Variants in DLGAP1 observed in about 807,000 individuals in gnomAD.
The protein encoded by DLGAP1 is disks large-associated protein 1.
A neutral mutation model predicts 90.8 loss-of-function variants in DLGAP1; 11 were observed. The ratio of observed to expected loss-of-function variants is 0.12; its 90% CI spans 0.08 to 0.20. DLGAP1 has a LOEUF of 0.20. Ranked by LOEUF, DLGAP1 falls within the 10% of genes least tolerant of loss-of-function variation. The pLI, the probability that DLGAP1 is intolerant of heterozygous loss-of-function variation, is 1.00. For synonymous variants in DLGAP1, 558 were observed against 540.7 expected, an observed-to-expected ratio of 1.03 and a Z score of -0.44; for missense variants, 1,050 against 1,333.8, an observed-to-expected ratio of 0.79 and a Z score of 3.31.
chr18:3,618,726 C>T (rs1475762993), intron 7 of DLGAP1, among the ~76,000 whole-genome samples: 2 of 150,626 alleles, frequency 1.3e-5, no homozygotes, highest in South Asian at 2.1e-4. Context: ...ATCAGGAGGT[C>T]AGGAGACCGA....
chr18:3,537,987 T>C (rs2052471422), intron 9 of DLGAP1, among the ~76,000 whole-genome samples: 1 of 152,202 alleles, frequency 6.6e-6, no homozygotes. Context: ...CCAGATTATG[T>C]GGGATTTTAA....
chr18:3,848,343 T>C (rs936253997), intron 4 of DLGAP1, among the ~76,000 whole-genome samples: 31 of 151,974 alleles, frequency 2.0e-4, no homozygotes, highest in African/African-American at 7.5e-4. Context: ...TCTCACACTT[T>C]TATTTTTCTA....
intron 4 of DLGAP1, among the ~76,000 whole-genome samples, chr18:3,857,788 C>T (rs891518696): frequency 3.9e-5 from 6 of 152,146 alleles, no homozygotes; most frequent in Admixed American, 6.5e-5. Flanking sequence ...TCTCAGCCTC[C>T]TATGTGATAA....
chr18:4,225,467 G>A (rs2078166663), intron 1 of DLGAP1, among the ~76,000 whole-genome samples: 1 of 151,956 alleles, frequency 6.6e-6, no homozygotes, highest in African/African-American at 2.4e-5. Flanking sequence ...TATGGCACCA[G>A]GGACCAATCC....
rs377332209 is a variant in DLGAP1, at chr18:4,023,371, A to G, written c.-158-18170T>C. Among the ~76,000 whole-genome samples the G allele has an allele frequency of 6.9e-4, 105 of 152,280 alleles. 1 individual carries two copies. In the South Asian group the frequency reaches 0.02, roughly 29 times the overall value. On this transcript the variant is annotated intron_variant, in intron 2 of 12. Coordinates refer to ENST00000315677, the MANE Select transcript of DLGAP1 (RefSeq NM_004746.4). ...TTTGGGCTTTCCTAAAAGCTATACA[A>G]CTGTCATGGGTAAACTTTATTGCAT...
intron 3 of DLGAP1, among the ~76,000 whole-genome samples, chr18:3,975,564 C>T (rs984685614): frequency 1.3e-5 from 2 of 151,960 alleles, no homozygotes; most frequent in Admixed American, 1.3e-4. Context: ...TCCAGCAATC[C>T]CACTATGGGT....
intron 2 of DLGAP1, among the ~76,000 whole-genome samples, chr18:4,054,853 A>G (rs1442374): frequency 1 from 152,152 of 152,358 alleles, 75,973 homozygotes; most frequent in Middle Eastern, 1. Flanking sequence ...CACTGGCTTT[A>G]GAAAATGCAT....
chr18:3,888,585 ATCT>A lies in DLGAP1; in HGVS notation c.-72-8448_-72-8446del, dbSNP rs778074172. Among the ~76,000 whole-genome samples the A allele has an allele frequency of 7.9e-5, 12 of 152,218 alleles. No homozygotes were observed. In the East Asian group the frequency reaches 2.1e-3, roughly 27 times the overall value. Reference sequence around the variant, plus strand: ...AAAAAAAACCAACGACTCAACTGAAATCTTCTCCAATTTGGTCACAGTAGGCAG... The same window carrying A: ...AAAAAAAACCAACGACTCAACTGAAATCTCCAATTTGGTCACAGTAGGCAG... On this transcript the variant is annotated intron_variant, in intron 3 of 12. Transcript: ENST00000315677.
At chr18:3,741,515 C>T (rs2063043653) in intron 6 of DLGAP1, among the ~76,000 whole-genome samples, 1 of 151,654 alleles carries the variant, frequency 6.6e-6, no homozygotes, top group Non-Finnish European at 1.5e-5. Context: ...ATAATTACCA[C>T]CACCATCACT....
chr18:4,171,275 C>T (rs1439488460), intron 1 of DLGAP1, among the ~76,000 whole-genome samples: 1 of 152,080 alleles, frequency 6.6e-6, no homozygotes, highest in East Asian at 1.9e-4. Context: ...GTGGCTCACA[C>T]CTGTAATCCC....
chr18:3,833,482 G>A (rs1022899439), intron 4 of DLGAP1, among the ~76,000 whole-genome samples: 3 of 152,028 alleles, frequency 2.0e-5, no homozygotes, highest in East Asian at 1.9e-4. Context: ...TGATCTGCCC[G>A]CCTCAGCCTC....
At chr18:3,609,889 C>T (rs1030819368) in intron 7 of DLGAP1, among the ~76,000 whole-genome samples, 1 of 150,906 alleles carries the variant, frequency 6.6e-6, no homozygotes, top group African/African-American at 2.4e-5. Flanking sequence ...GAAACCCTGT[C>T]TCTACTAAAA....
intron 3 of DLGAP1, among the ~76,000 whole-genome samples, chr18:3,914,901 A>T (rs1344922369): frequency 6.6e-6 from 1 of 152,036 alleles, no homozygotes; most frequent in African/African-American, 2.4e-5. Flanking sequence ...ATGCCATGAC[A>T]CCTGGCTAAT....
At chr18:4,329,431 C>A (rs534518169) in intron 1 of DLGAP1, among the ~76,000 whole-genome samples, 3 of 151,910 alleles carry the variant, frequency 2.0e-5, no homozygotes, top group African/African-American at 7.2e-5. Flanking sequence ...ATTGTAAGTT[C>A]TCCAGCTTTG....
At chr18:4,298,319 G>T (rs1000141712) in intron 1 of DLGAP1, among the ~76,000 whole-genome samples, 1 of 152,122 alleles carries the variant, frequency 6.6e-6, no homozygotes, top group Non-Finnish European at 1.5e-5. Context: ...TTGTTCAAGG[G>T]TCAACTGTAA....
chr18:3,821,835 G>T, intron 4 of DLGAP1: 1 of 850,072 alleles, frequency 1.2e-6, no homozygotes. Flanking sequence ...TAGAGAAATG[G>T]CTGTAATGTG....
rs149500805 is a variant in DLGAP1 at position 3,838,761 on chromosome 18, C to T, written c.958-24488G>A. The stretch of plus-strand genomic sequence containing the variant: ...TATAAATTTTGCATTAAACATGACA[C>T]ATTTATCTTTTCAAAGAAAATAATT... On this transcript the variant is annotated intron_variant, in intron 4 of 12. Transcript: ENST00000315677. Among the ~76,000 whole-genome samples the T allele has an allele frequency of 9.9e-5, 15 of 152,282 alleles. 1 individual carries two copies. In the East Asian group the frequency reaches 2.9e-3, roughly 29 times the overall value.
intron 1 of DLGAP1, among the ~76,000 whole-genome samples, chr18:4,241,575 G>A (rs2078534328): frequency 6.6e-6 from 1 of 152,234 alleles, no homozygotes; most frequent in Admixed American, 6.5e-5. Context: ...ATTACAAAGA[G>A]ATAAATCTTA....
At chr18:4,129,395 A>G (rs2076280584) in intron 2 of DLGAP1, among the ~76,000 whole-genome samples, 1 of 152,074 alleles carries the variant, frequency 6.6e-6, no homozygotes, top group Non-Finnish European at 1.5e-5. Flanking sequence ...GTATCTCAGC[A>G]TTGTCTTTTC....
Sources: gnomAD v4.1 joint callset for allele counts (sites outside exome capture counted in the v4.1 genomes callset) on GRCh38, gnomAD v4.1.1 for gene constraint, MANE v1.5 for transcripts, NCBI Gene and HGNC (gene_info 2026-07-23, HGNC 2026-07-21) for gene names.